TIMM44: variants seen among roughly 807,000 people sequenced by gnomAD.
TIMM44 encodes mitochondrial import inner membrane translocase subunit TIM44.
TIMM44 carries 37 observed loss-of-function variants against 63.8 expected under a neutral mutation model. The ratio of observed to expected loss-of-function variants is 0.58; its 90% confidence interval spans 0.45 to 0.76. The LOEUF is 0.76. TIMM44 is among the 30% of genes least tolerant of loss of function. The probability of loss-of-function intolerance (pLI) is 0.00; values close to 1 mark genes in which losing one functional copy is unlikely to be tolerated. For missense variants in TIMM44, 573 were observed against 603.8 expected (o/e 0.95, Z 0.54); for synonymous variants, 239 against 245.1 (o/e 0.98, Z 0.23).
rs1163866990 is a variant in TIMM44 at position 7,934,427 on chromosome 19, A to G, written c.394-189T>C. Among the ~76,000 whole-genome samples, 2 of 150,462 alleles carry G rather than the reference A, an allele frequency of 1.3e-5. No individual in the cohort carries two copies. Among genetic ancestry groups the G allele is most frequent in the African/African-American group, 2.5e-5 (1 of 40,686 alleles). On this transcript the variant is annotated intron_variant, in intron 4 of 12. Transcript: ENST00000270538. The surrounding 1 kb of genome is among the most constrained non-coding windows in gnomAD (Gnocchi z 5.3). ...GCACAACGGCACCCCCAGAGCCACG[A>G]GCACACCGCCACCCCCAGAGCCACG...
At position 7,934,490 on chromosome 19, in the gene TIMM44, A is replaced by C. The variant is rs1418877399; in HGVS notation, c.394-252T>G. ...CCCCCAGAGCCATGAGCACACCGGCACCCCCAGAGCCATGAGCACACCGCC... is the reference window on the plus strand; with the variant it reads ...CCCCCAGAGCCATGAGCACACCGGCCCCCCCAGAGCCATGAGCACACCGCC... On this transcript the variant is annotated intron_variant, in intron 4 of 12. Coordinates refer to ENST00000270538, the MANE Select transcript of TIMM44 (RefSeq NM_006351.4). The surrounding 1 kb of genome is among the most constrained non-coding windows in gnomAD (Gnocchi z 5.3). 6.6e-6 allele frequency among the ~76,000 whole-genome samples: 1 copy of C among 151,352 alleles called. No homozygotes were observed. Among genetic ancestry groups the C allele is most frequent in the Non-Finnish European group, 1.5e-5 (1 of 67,870 alleles).
Position 7,935,165 on chromosome 19 carries a change from T to G in TIMM44, c.313-20A>C. ...GGTTTTCTAGGTAAAGAGCGCTGTGTCCTTTTTTTTTTTTTTTTTTTTGAG... is the reference window on the plus strand; with the variant it reads ...GGTTTTCTAGGTAAAGAGCGCTGTGGCCTTTTTTTTTTTTTTTTTTTTGAG... On this transcript the variant is annotated intron_variant, in intron 3 of 12. Transcript: ENST00000270538. 1 of 1,497,052 alleles carries G rather than the reference T, an allele frequency of 6.7e-7. No individual in the cohort carries two copies. Among genetic ancestry groups the G allele is most frequent in the Non-Finnish European group, 9.0e-7 (1 of 1,111,294 alleles). The allele number at this position is 1,497,052 out of a possible 1,614,324, so 92.7% of individuals were successfully genotyped here. A position where few individuals can be genotyped will look rare whatever the true frequency, so the allele number is the denominator to read the frequency against.
chr19:7,942,803 G>A (rs991942496), intron 1 of TIMM44, among the ~76,000 whole-genome samples: 1 of 151,506 alleles, frequency 6.6e-6, no homozygotes, highest in Admixed American at 6.6e-5. Context: ...TGGGATTACA[G>A]GAGCGCGCCA....
At chr19:7,927,550 G>C (rs1424402730) in intron 12 of TIMM44, 107 bp downstream of exon 12, 1 of 1,248,136 alleles carries the variant, frequency 8.0e-7, no homozygotes, top group African/African-American at 1.5e-5. Flanking sequence ...TCCCCACCCA[G>C]TCCCAGAGCT....
intron 9 of TIMM44, chr19:7,931,921 G>C (rs1248760916): frequency 6.5e-6 from 1 of 154,900 alleles, no homozygotes; most frequent in Non-Finnish European, 1.4e-5. Flanking sequence ...AGCCCTGCCC[G>C]AAGTGGCGGG....
rs918185247 is a variant in TIMM44, at chr19:7,934,649, G to A, written c.394-411C>T. ...AGGATTCCCAAGGAGGGGACCCCGG[G>A]GAAAGAACGGCGGTGAGGGCGCCCC... On this transcript the variant is annotated intron_variant, in intron 4 of 12. Coordinates refer to ENST00000270538, the MANE Select transcript of TIMM44 (RefSeq NM_006351.4). The surrounding 1 kb of genome is among the most constrained non-coding windows in gnomAD (Gnocchi z 5.3). Among the ~76,000 whole-genome samples, 1 of 152,192 alleles carries A rather than the reference G, an allele frequency of 6.6e-6. No individual in the cohort carries two copies. The highest frequency in any genetic ancestry group is 2.4e-5 in the African/African-American group (1 of 41,448).
In TIMM44 at chr19:7,939,784, C is replaced by T. The variant is rs574768744; in HGVS notation, c.141+1318G>A. ...TACAAAAATTAGCCAGGTGTGGCGGCGCCTGCCTGTAGTCCCAGCTACTGA... is the reference window on the plus strand; with the variant it reads ...TACAAAAATTAGCCAGGTGTGGCGGTGCCTGCCTGTAGTCCCAGCTACTGA... On this transcript the variant is annotated intron_variant, in intron 2 of 12. Transcript: ENST00000270538. Among the ~76,000 whole-genome samples, 61 of 151,992 alleles carry T rather than the reference C, an allele frequency of 4.0e-4. No individual in the cohort carries two copies. In the South Asian group the frequency reaches 5.0e-3, roughly 12 times the overall value.
At chr19:7,929,606 G>A (rs976643746) in intron 10 of TIMM44, among the ~76,000 whole-genome samples, 5 of 152,214 alleles carry the variant, frequency 3.3e-5, no homozygotes, top group Admixed American at 6.5e-5. Context: ...TCATTCTCAC[G>A]ACCCGTGGGA....
rs756529209 is a variant in TIMM44 at position 7,933,607 on chromosome 19, G to A, written c.684-37C>T. 24 of 1,568,754 alleles carry A rather than the reference G, an allele frequency of 1.5e-5. No homozygotes were observed. The highest frequency in any genetic ancestry group is 6.8e-5 in the African/African-American group (5 of 73,988). ...GGTGGGCCCTGGGGTGAGCGGCGGCGCCAGGGCCACCCTGTGCCCTCCTGC... is the reference window on the plus strand; with the variant it reads ...GGTGGGCCCTGGGGTGAGCGGCGGCACCAGGGCCACCCTGTGCCCTCCTGC... On this transcript the variant is annotated intron_variant, in intron 6 of 12. Coordinates refer to ENST00000270538, the MANE Select transcript of TIMM44 (RefSeq NM_006351.4). The surrounding 1 kb of genome is among the most constrained non-coding windows in gnomAD (Gnocchi z 4.3).
chr19:7,929,210 G>T (rs191918526), intron 10 of TIMM44, among the ~76,000 whole-genome samples: 1 of 152,194 alleles, frequency 6.6e-6, no homozygotes, highest in East Asian at 1.9e-4. Flanking sequence ...GACTCGGGCA[G>T]GGACAGGGAG....
rs746380244 is a variant in TIMM44, at chr19:7,932,815, C to T, written c.862+25G>A. On this transcript the variant is annotated intron_variant, in intron 8 of 12. Coordinates refer to ENST00000270538, the MANE Select transcript of TIMM44 (RefSeq NM_006351.4). The stretch of plus-strand genomic sequence containing the variant: ...GGGACCCCGCCCCACCACCAGCCTG[C>T]GAGGTCCAGGGATGACTCACTCACC... 22 of 1,613,998 alleles carry T rather than the reference C, an allele frequency of 1.4e-5. No individual in the cohort carries two copies. The Admixed American group carries it at 2.0e-4, about 15-fold the overall frequency.
In TIMM44 at chr19:7,928,274, A is replaced by C. The variant is rs755492655; in HGVS notation, c.1039-108T>G. The C allele has an allele frequency of 5.3e-6, 5 of 943,668 alleles. No homozygotes were observed. The East Asian group carries it at 1.3e-4, about 25-fold the overall frequency. 58.5% of individuals were successfully genotyped at this position (943,668 alleles called of 1,614,324 possible). A position where few individuals can be genotyped will look rare whatever the true frequency, so the allele number is the denominator to read the frequency against. On this transcript the variant is annotated intron_variant, in intron 10 of 12. Transcript: ENST00000270538. The stretch of plus-strand genomic sequence containing the variant: ...GCGCCCAGGTGCCCTGCCGCCAGCC[A>C]GCAATGGCAGAGGCCAAGAACCCAG...
At chr19:7,928,317 G>C in intron 10 of TIMM44, 151 bp from the exon 11 acceptor site, 1 of 639,022 alleles carries the variant, frequency 1.6e-6, no homozygotes, top group Non-Finnish European at 2.8e-6. Flanking sequence ...TGGGGAGGCA[G>C]GTGCCACCCA....
chr19:7,927,187 T>A lies in TIMM44; in HGVS notation c.1359A>T (p.Ter453CysextTer127). The change falls in exon 13 of 13, where the codon TGA becomes TGT. Residue 453 changes from the stop codon to cysteine, a stop_lost. Coordinates refer to ENST00000270538, the MANE Select transcript of TIMM44 (RefSeq NM_006351.4). The stretch of plus-strand genomic sequence containing the variant: ...GGGCTACCTGGCTCCGGCACCACAC[T>A]CAGAGAATCTGCTCGGTGCTGGAGG... ...ISASSTEQIL[*>C] 6.2e-7 allele frequency: 1 copy of A among 1,607,896 alleles called. No homozygotes were observed. The highest frequency in any genetic ancestry group is 8.5e-7 in the Non-Finnish European group (1 of 1,179,506).
At chr19:7,932,075 CAG>C (rs1484638323) in intron 9 of TIMM44, among the ~76,000 whole-genome samples, 1 of 152,200 alleles carries the variant, frequency 6.6e-6, no homozygotes, top group Non-Finnish European at 1.5e-5. Context: ...CTGGGGGCTG[CAG>C]AGAGGCAGAG....
rs113419511 is a variant in TIMM44 at position 7,932,924 on chromosome 19, C to T, written c.778G>A (p.Glu260Lys). 100 of 1,613,926 alleles carry T rather than the reference C, an allele frequency of 6.2e-5. No individual in the cohort carries two copies. The highest frequency in any genetic ancestry group is 8.1e-5 in the Non-Finnish European group (96 of 1,179,938). ...ENNVVFNRFF[E>K]MKMKYDESDN... Reference sequence around the variant, plus strand: ...CTTTCGTCATACTTCATCTTCATCTCGAAGAACCCTGTGGAAGATGGGGTA... The same window carrying T: ...CTTTCGTCATACTTCATCTTCATCTTGAAGAACCCTGTGGAAGATGGGGTA... The change falls in exon 8 of 13, where the codon GAG becomes AAG. Residue 260 changes from glutamate (E) to lysine (K), a missense_variant. Coordinates refer to ENST00000270538, the MANE Select transcript of TIMM44 (RefSeq NM_006351.4).
chr19:7,937,912 G>T, intron 3 of TIMM44, 115 bp downstream of exon 3: 2 of 1,312,236 alleles, frequency 1.5e-6, no homozygotes, highest in Non-Finnish European at 2.2e-6. Context: ...CAGCTACTCA[G>T]GAGGCTGAGG....
intron 3 of TIMM44, 50 bp from the exon 4 acceptor site, chr19:7,935,195 T>C (rs1266810464): frequency 9.0e-6 from 13 of 1,442,528 alleles, no homozygotes; most frequent in Non-Finnish European, 1.0e-5. Flanking sequence ...TTTGAGACAA[T>C]GTCTCCGTTG....
In TIMM44 at chr19:7,943,527, G is replaced by A; in HGVS notation, c.45+80C>T. 3 of 1,493,184 alleles carry A rather than the reference G, an allele frequency of 2.0e-6. No individual in the cohort carries two copies. The highest frequency in any genetic ancestry group is 2.7e-6 in the Non-Finnish European group (3 of 1,105,784). The allele number at this position is 1,493,184 out of a possible 1,614,324, so 92.5% of individuals were successfully genotyped here. On this transcript the variant is annotated intron_variant, in intron 1 of 12. Coordinates refer to ENST00000270538, the MANE Select transcript of TIMM44 (RefSeq NM_006351.4). The surrounding 1 kb of genome is among the most constrained non-coding windows in gnomAD (Gnocchi z 4.3). ...CCCAAGCAAGGGTCGCGAAGGCCAAGGGTCTGAGAAGAAAGCCTTGGTGGC... is the reference window on the plus strand; with the variant it reads ...CCCAAGCAAGGGTCGCGAAGGCCAAAGGTCTGAGAAGAAAGCCTTGGTGGC...
Sources: allele counts gnomAD v4.1 joint callset (sites outside exome capture counted in the v4.1 genomes callset), GRCh38; gene constraint gnomAD v4.1.1; non-coding constraint Gnocchi (gnomAD v3.1); transcripts MANE v1.5; gene names NCBI Gene and HGNC (gene_info 2026-07-23, HGNC 2026-07-21).